Variants in CASZ1 observed in about 807,000 individuals in gnomAD.
The protein encoded by CASZ1 is zinc finger protein castor homolog 1.
Under a neutral mutation model 135.2 loss-of-function variants are expected in CASZ1, and 28 were observed. The observed-to-expected ratio is 0.21, with a 90% CI of 0.15 to 0.28. CASZ1 has a LOEUF of 0.28. CASZ1 is among the 10% of genes least tolerant of loss of function. CASZ1 has a pLI of 1.00. For synonymous variants in CASZ1, 1,068 were observed against 1,073.4 expected (o/e 0.99, Z 0.10); for missense variants, 2,161 against 2,453.3 (o/e 0.88, Z 2.52).
At chr1:10,782,461 T>C (rs934877190) in intron 1 of CASZ1, among the ~76,000 whole-genome samples, 1 of 152,204 alleles carries the variant, frequency 6.6e-6, no homozygotes, top group Non-Finnish European at 1.5e-5. Flanking sequence ...TAAGAGCAGG[T>C]TGGACACGGG....
intron 2 of CASZ1, among the ~76,000 whole-genome samples, chr1:10,733,297 G>A (rs1639735263): frequency 6.6e-6 from 1 of 152,160 alleles, no homozygotes; most frequent in African/African-American, 2.4e-5. Flanking sequence ...CCAAGAATGT[G>A]AAGCTCAGGG....
chr1:10,712,720 C>T (rs1485408446), intron 2 of CASZ1, among the ~76,000 whole-genome samples: 1 of 152,180 alleles, frequency 6.6e-6, no homozygotes, highest in African/African-American at 2.4e-5. Flanking sequence ...CCCTTAGGAC[C>T]CCCCCGCTCA....
At chr1:10,669,091 A>G (rs146869201) in intron 4 of CASZ1, among the ~76,000 whole-genome samples, 1 of 152,340 alleles carries the variant, frequency 6.6e-6, no homozygotes, top group East Asian at 1.9e-4. Flanking sequence ...GGTTGGGGAA[A>G]ACGGGCATGG....
intron 2 of CASZ1, among the ~76,000 whole-genome samples, chr1:10,754,199 T>C (rs542036481): frequency 6.6e-6 from 1 of 152,318 alleles, no homozygotes; most frequent in Admixed American, 6.5e-5. Context: ...TCCATCCACC[T>C]GCCTCTCACT....
intron 1 of CASZ1, among the ~76,000 whole-genome samples, chr1:10,781,133 C>T (rs1640755682): frequency 6.6e-6 from 1 of 152,242 alleles, no homozygotes. Context: ...GGATGCTGGT[C>T]CTGGCTCTCC....
chr1:10,768,098 A>G (rs1476898236), intron 1 of CASZ1, among the ~76,000 whole-genome samples: 1 of 152,170 alleles, frequency 6.6e-6, no homozygotes, highest in African/African-American at 2.4e-5. Context: ...AGCCTCTACC[A>G]TGGTGCTTCC....
intron 2 of CASZ1, among the ~76,000 whole-genome samples, chr1:10,710,934 C>T (rs1639272861): frequency 6.6e-6 from 1 of 152,246 alleles, no homozygotes; most frequent in South Asian, 2.1e-4. Context: ...AGTTTGAAAC[C>T]AGCCTGGCCA....
rs538104853 is a variant in CASZ1 at position 10,786,540 on chromosome 1, G to T, written c.-234+10024C>A. ...CGCAAGTGTTTCCGTGTCCTCTCCC[G>T]CATGGGTCTGTAACACACACAGACA... is the stretch of plus-strand genomic sequence containing the variant. On this transcript the variant is annotated intron_variant, in intron 1 of 20. Transcript: ENST00000377022. Among the ~76,000 whole-genome samples the T allele has an allele frequency of 3.9e-5, 6 of 152,244 alleles. No individual in the cohort carries two copies. In the South Asian group the frequency reaches 1.0e-3, roughly 26 times the overall value.
chr1:10,733,394 C>T (rs1267461170), intron 2 of CASZ1, among the ~76,000 whole-genome samples: 2 of 152,186 alleles, frequency 1.3e-5, no homozygotes, highest in Non-Finnish European at 2.9e-5. Flanking sequence ...TCGCCACTGC[C>T]GAGAGGAAGC....
chr1:10,688,722 T>C (rs1638672277), intron 4 of CASZ1, among the ~76,000 whole-genome samples: 1 of 152,100 alleles, frequency 6.6e-6, no homozygotes, highest in Non-Finnish European at 1.5e-5. Context: ...TCCTGCTGAG[T>C]CGAGGGTGTC....
At chr1:10,768,775 G>T (rs950928924) in intron 1 of CASZ1, among the ~76,000 whole-genome samples, 5 of 152,216 alleles carry the variant, frequency 3.3e-5, no homozygotes, top group African/African-American at 1.2e-4. Flanking sequence ...GCACCACAGG[G>T]CAGGTGCCAG....
chr1:10,692,914 T>A (rs1202262604), intron 4 of CASZ1, among the ~76,000 whole-genome samples: 2 of 152,236 alleles, frequency 1.3e-5, no homozygotes, highest in Non-Finnish European at 2.9e-5. Flanking sequence ...GGCTGCTTGT[T>A]TCTTTTAAAA....
At chr1:10,760,501 C>T (rs1032375687) in intron 2 of CASZ1, among the ~76,000 whole-genome samples, 200 bp downstream of exon 2, 1 of 152,238 alleles carries the variant, frequency 6.6e-6, no homozygotes, top group Non-Finnish European at 1.5e-5. Context: ...AATGCAGGTG[C>T]CCTGCTCCCA....
At chr1:10,698,059 A>G (rs1334832521) in intron 3 of CASZ1, among the ~76,000 whole-genome samples, 1 of 152,212 alleles carries the variant, frequency 6.6e-6, no homozygotes. Flanking sequence ...CAGGGGGTCA[A>G]CAGGATGAGA....
At chr1:10,684,825 T>C (rs72641463) in intron 4 of CASZ1, among the ~76,000 whole-genome samples, 3,272 of 152,324 alleles carry the variant, frequency 0.021, 75 homozygotes, top group East Asian at 0.043. Context: ...CTCATGCCCG[T>C]GGAGGCCAGA....
chr1:10,703,930 C>G (rs190956610), intron 3 of CASZ1, among the ~76,000 whole-genome samples: 1 of 152,324 alleles, frequency 6.6e-6, no homozygotes, highest in African/African-American at 2.4e-5. Flanking sequence ...CTCTGCCAAG[C>G]CCTGCTCCAG....
intron 4 of CASZ1, among the ~76,000 whole-genome samples, chr1:10,687,890 C>T (rs1263861567): frequency 6.6e-6 from 1 of 152,230 alleles, no homozygotes; most frequent in Non-Finnish European, 1.5e-5. Flanking sequence ...AGCCTCGCTC[C>T]TTCCTGTAAA....
Position 10,724,533 on chromosome 1 carries a change from T to A in CASZ1, c.-76-18989A>T, listed in dbSNP as rs1233523404. 6.6e-6 allele frequency among the ~76,000 whole-genome samples: 1 copy of A among 152,016 alleles called. No homozygotes were observed. The highest frequency in any genetic ancestry group is 1.5e-5 in the Non-Finnish European group (1 of 67,996). ...CTGGTGGAGATTCCCTTGAAATGGG[T>A]CAGGAAAGCAGAGAGAGGCTTTGGA... On this transcript the variant is annotated intron_variant, in intron 2 of 20. Coordinates refer to ENST00000377022, the MANE Select transcript of CASZ1 (RefSeq NM_001079843.3). This position sits in a 1 kb window ranked among gnomAD's most constrained non-coding sequence, Gnocchi z 4.1.
At chr1:10,659,053 G>A (rs2100253300) in intron 6 of CASZ1, among the ~76,000 whole-genome samples, 1 of 152,304 alleles carries the variant, frequency 6.6e-6, no homozygotes, top group Middle Eastern at 3.4e-3. Flanking sequence ...CTCTGGGGAA[G>A]GGTCTCGCTC....
Sources: gnomAD v4.1 joint callset for allele counts (sites outside exome capture counted in the v4.1 genomes callset) on GRCh38, gnomAD v4.1.1 for gene constraint, Gnocchi (gnomAD v3.1) non-coding constraint, MANE v1.5 for transcripts, NCBI Gene and HGNC (gene_info 2026-07-23, HGNC 2026-07-21) for gene names.